NR2F1-AS1: variants seen among roughly 807,000 people sequenced by gnomAD.
NR2F1-AS1 encodes the protein NR2F1 regulatory antisense RNA 1, also known as NR2F1 antisense RNA 1.
At chr5:93,444,252 T>G (rs1291528628) in intron 4 of NR2F1-AS1, among the ~76,000 whole-genome samples, 2 of 152,146 alleles carry the variant, frequency 1.3e-5, no homozygotes, top group East Asian at 3.9e-4. Context: ...AGACACAGAC[T>G]GGCAAATTGG....
intron 4 of NR2F1-AS1, among the ~76,000 whole-genome samples, chr5:93,533,045 C>A (rs1158893343): frequency 6.6e-6 from 1 of 152,182 alleles, no homozygotes; most frequent in Non-Finnish European, 1.5e-5. Context: ...GTTTTCAAAA[C>A]TCTAGTGTTT....
chr5:93,490,384 A>G (rs1451950686), intron 4 of NR2F1-AS1, among the ~76,000 whole-genome samples: 8 of 152,202 alleles, frequency 5.3e-5, no homozygotes. Flanking sequence ...ATCCATATGG[A>G]TGAGAAGAAA....
chr5:93,455,573 C>T (rs1223193192), intron 4 of NR2F1-AS1, among the ~76,000 whole-genome samples: 2 of 151,918 alleles, frequency 1.3e-5, no homozygotes, highest in East Asian at 3.9e-4. Context: ...TTACTTTAAA[C>T]ATAAAGACAC....
At chr5:93,427,895 C>T (rs1286591669) in intron 4 of NR2F1-AS1, among the ~76,000 whole-genome samples, 1 of 150,082 alleles carries the variant, frequency 6.7e-6, no homozygotes, top group Non-Finnish European at 1.5e-5. Context: ...TGAGAGCATA[C>T]ATGTGTATGT....
At chr5:93,584,898 C>G (rs1753199183), upstream of NR2F1-AS1, 1 of 147,132 alleles carries the variant, frequency 6.8e-6, no homozygotes, top group Non-Finnish European at 1.5e-5. Context: ...CCCGGGGCGC[C>G]CGGCGGGCCC....
At chr5:93,500,425 T>G (rs1751054594) in intron 4 of NR2F1-AS1, among the ~76,000 whole-genome samples, 2 of 152,124 alleles carry the variant, frequency 1.3e-5, no homozygotes, top group African/African-American at 4.8e-5. Flanking sequence ...ACTGCATGTT[T>G]TACTGAATAT....
At chr5:93,492,289 G>A (rs1283819340) in intron 4 of NR2F1-AS1, among the ~76,000 whole-genome samples, 1 of 152,104 alleles carries the variant, frequency 6.6e-6, no homozygotes. Flanking sequence ...AACCTTAACA[G>A]ACAGACTCAG....
chr5:93,562,728 T>C (rs1337780751), intron 2 of NR2F1-AS1, among the ~76,000 whole-genome samples: 2 of 152,222 alleles, frequency 1.3e-5, no homozygotes, highest in African/African-American at 4.8e-5. Flanking sequence ...TATAATCCGT[T>C]AAATTATTAG....
chr5:93,476,330 C>G (rs752828320), intron 4 of NR2F1-AS1, among the ~76,000 whole-genome samples: 13 of 152,098 alleles, frequency 8.5e-5, no homozygotes, highest in Non-Finnish European at 1.5e-4. Context: ...CCAGCATCAT[C>G]ATTTTAATGT....
At chr5:93,428,973 A>T (rs1411692938) in intron 4 of NR2F1-AS1, among the ~76,000 whole-genome samples, 1 of 152,194 alleles carries the variant, frequency 6.6e-6, no homozygotes, top group Non-Finnish European at 1.5e-5. Context: ...ACTTGAACAA[A>T]TAATATTATG....
intron 4 of NR2F1-AS1, among the ~76,000 whole-genome samples, chr5:93,413,968 T>TG (rs1341405747): frequency 6.6e-6 from 1 of 152,170 alleles, no homozygotes; most frequent in Non-Finnish European, 1.5e-5. Context: ...AGACAAATCC[T>TG]GGGGGGTTTG....
intron 4 of NR2F1-AS1, among the ~76,000 whole-genome samples, chr5:93,440,329 T>C (rs1354612112): frequency 6.6e-6 from 1 of 152,186 alleles, no homozygotes; most frequent in Non-Finnish European, 1.5e-5. Context: ...CCAAGGATAT[T>C]TCTAGATGAG....
chr5:93,508,655 G>A (rs1282088375), intron 4 of NR2F1-AS1, among the ~76,000 whole-genome samples: 4 of 151,410 alleles, frequency 2.6e-5, no homozygotes, highest in African/African-American at 7.3e-5. Flanking sequence ...ACATCACAAA[G>A]TAAAAAGATA....
chr5:93,519,368 G>A (rs551474315), intron 4 of NR2F1-AS1, among the ~76,000 whole-genome samples: 2 of 152,008 alleles, frequency 1.3e-5, no homozygotes, highest in East Asian at 3.9e-4. Context: ...TTTAAGTAAA[G>A]CAAATGTATG....
intron 1 of NR2F1-AS1, among the ~76,000 whole-genome samples, chr5:93,564,902 A>G (rs1437472077): frequency 6.6e-6 from 1 of 152,202 alleles, no homozygotes; most frequent in Non-Finnish European, 1.5e-5. Flanking sequence ...TCCAGAAAAT[A>G]CAGAAGAGCT....
At chr5:93,480,594 T>C (rs1750580484) in intron 4 of NR2F1-AS1, among the ~76,000 whole-genome samples, 1 of 152,176 alleles carries the variant, frequency 6.6e-6, no homozygotes, top group South Asian at 2.1e-4. Flanking sequence ...TAGGTAAATG[T>C]AAAACCTAGT....
chr5:93,540,131 C>T lies in NR2F1-AS1; in HGVS notation n.638+13630G>A, dbSNP rs145547049. Among the ~76,000 whole-genome samples the T allele has an allele frequency of 6.1e-4, 93 of 152,192 alleles. 1 individual carries two copies. Among genetic ancestry groups the T allele is most frequent in the African/African-American group, 2.0e-3 (84 of 41,512 alleles). Reference sequence around the variant, plus strand: ...TATTCTCAATGTTTTAAAATCATCACCAGTATCATTTCAAAAATTTTATAC... The same window carrying T: ...TATTCTCAATGTTTTAAAATCATCATCAGTATCATTTCAAAAATTTTATAC... On this transcript the variant is annotated intron_variant and non_coding_transcript_variant, in intron 4 of 5. Transcript: ENST00000660523.
intron 4 of NR2F1-AS1, among the ~76,000 whole-genome samples, chr5:93,525,904 A>T (rs1433966283): frequency 6.6e-6 from 1 of 152,142 alleles, no homozygotes; most frequent in African/African-American, 2.4e-5. Flanking sequence ...GGAGAAAGCA[A>T]TAAAGGTCTG....
intron 4 of NR2F1-AS1, among the ~76,000 whole-genome samples, chr5:93,523,097 C>A (rs1461840655): frequency 6.6e-6 from 1 of 152,166 alleles, no homozygotes; most frequent in Admixed American, 6.5e-5. Context: ...GATCTACTGA[C>A]TTGAAATTGT....
Sources: gnomAD v4.1 joint callset for allele counts (sites outside exome capture counted in the v4.1 genomes callset) on GRCh38, gnomAD v4.1.1 for gene constraint, MANE v1.5 for transcripts, NCBI Gene and HGNC (gene_info 2026-07-23, HGNC 2026-07-21) for gene names.